The following MBD5 variants were observed in gnomAD, a reference collection of about 807,000 sequenced individuals.
MBD5 encodes the protein methyl-CpG binding domain protein 5, also known as methyl-CpG-binding domain protein 5.
In MBD5, 13 loss-of-function variants were observed where a neutral mutation model predicts 117.3. The ratio of observed to expected loss-of-function variants is 0.11; its 90% CI spans 0.07 to 0.18. The LOEUF is 0.18. Ranked by LOEUF, MBD5 falls within the 10% of genes least tolerant of loss-of-function variation. The pLI, the probability that MBD5 is intolerant of heterozygous loss-of-function variation, is 1.00. For synonymous variants in MBD5, 727 were observed against 766.4 expected, an observed-to-expected ratio of 0.95 and a Z score of 0.85; for missense variants, 1,879 against 2,093.8, an observed-to-expected ratio of 0.90 and a Z score of 2.00.
chr2:148,164,803 T>C (rs1381115074), intron 1 of MBD5, among the ~76,000 whole-genome samples: 2 of 152,170 alleles, frequency 1.3e-5, no homozygotes, highest in East Asian at 3.9e-4. Context: ...GAAAAGATAA[T>C]TATTTCTTAC....
intron 4 of MBD5, among the ~76,000 whole-genome samples, chr2:148,394,545 G>GTTTTTTTTTTTT: frequency 8.2e-6 from 1 of 121,854 alleles, no homozygotes; most frequent in Non-Finnish European, 1.7e-5. Flanking sequence ...CTGTACTTTG[G>GTTTTTTTTTTTT]TTTTTTTTTT....
At chr2:148,067,237 A>C (rs927432702) in intron 1 of MBD5, among the ~76,000 whole-genome samples, 45 of 152,234 alleles carry the variant, frequency 3.0e-4, no homozygotes, top group Non-Finnish European at 4.4e-5. Flanking sequence ...ACGCTATATT[A>C]GACATTGAAA....
At chr2:148,470,547 A>G in intron 8 of MBD5, 86 bp downstream of exon 8, 1 of 1,053,530 alleles carries the variant, frequency 9.5e-7, no homozygotes, top group East Asian at 2.6e-5. Flanking sequence ...TTATTATGAT[A>G]AGAAATGATC....
chr2:148,240,578 C>T (rs1045520671), intron 3 of MBD5, among the ~76,000 whole-genome samples: 1 of 152,162 alleles, frequency 6.6e-6, no homozygotes, highest in African/African-American at 2.4e-5. Flanking sequence ...ATTAATTCAA[C>T]TGCTTATTCT....
chr2:148,453,745 G>T (rs1706798787), intron 4 of MBD5, among the ~76,000 whole-genome samples: 1 of 151,808 alleles, frequency 6.6e-6, no homozygotes, highest in Admixed American at 6.6e-5. Flanking sequence ...AATTATAAAA[G>T]TAAACCTGAC....
At chr2:148,427,702 A>G (rs1007344453) in intron 4 of MBD5, among the ~76,000 whole-genome samples, 2 of 152,168 alleles carry the variant, frequency 1.3e-5, no homozygotes, top group Non-Finnish European at 2.9e-5. Context: ...TGAAGAGTTA[A>G]TGGGTGCAGC....
At chr2:148,139,701 C>G (rs1421154946) in intron 1 of MBD5, among the ~76,000 whole-genome samples, 1 of 152,046 alleles carries the variant, frequency 6.6e-6, no homozygotes, top group African/African-American at 2.4e-5. Context: ...ACCTTTCTTC[C>G]CAGGATGACT....
intron 3 of MBD5, among the ~76,000 whole-genome samples, chr2:148,242,999 C>T (rs1347923253): frequency 6.6e-6 from 1 of 152,174 alleles, no homozygotes; most frequent in Non-Finnish European, 1.5e-5. Context: ...CATTAACTCT[C>T]TCTGTAAGCA....
At chr2:148,047,442 C>A (rs1403314950) in intron 1 of MBD5, among the ~76,000 whole-genome samples, 4 of 152,130 alleles carry the variant, frequency 2.6e-5, no homozygotes, top group Admixed American at 6.6e-5. Flanking sequence ...AATGGCAATT[C>A]TAGATGTTTT....
chr2:148,458,999 G>C (rs1294693273), intron 5 of MBD5, 128 bp downstream of exon 5: 93 of 782,834 alleles, frequency 1.2e-4, no homozygotes, highest in Non-Finnish European at 2.9e-5. Flanking sequence ...AGAAACATAT[G>C]AGAATTTTTA....
At position 148,387,995 on chromosome 2, in the gene MBD5, G is replaced by A. The variant is rs186003677; in HGVS notation, c.-557+45659G>A. 2.1e-3 allele frequency among the ~76,000 whole-genome samples: 327 copies of A among 152,210 alleles called. 1 individual carries two copies. The highest frequency in any genetic ancestry group is 7.3e-3 in the African/African-American group (303 of 41,548). On this transcript the variant is annotated intron_variant, in intron 4 of 13. Coordinates refer to ENST00000642680, the MANE Select transcript of MBD5 (RefSeq NM_001378120.1). The stretch of plus-strand genomic sequence containing the variant: ...TTTTTGGGGAATCTAAACTTCATAT[G>A]AAAAAGCAAAGAGCATGGAATAGCC...
chr2:148,070,229 C>T (rs1157874540), intron 1 of MBD5, among the ~76,000 whole-genome samples: 1 of 152,168 alleles, frequency 6.6e-6, no homozygotes, highest in East Asian at 1.9e-4. Flanking sequence ...TGGCTTACTT[C>T]ACTTAACATA....
chr2:148,304,995 G>C (rs1701858102), intron 3 of MBD5, among the ~76,000 whole-genome samples: 1 of 151,498 alleles, frequency 6.6e-6, no homozygotes. Context: ...AACCCGGGAG[G>C]CGGAGCTTGC....
At chr2:148,200,828 T>A (rs114640373) in intron 2 of MBD5, among the ~76,000 whole-genome samples, 5,659 of 152,270 alleles carry the variant, frequency 0.037, 282 homozygotes, top group African/African-American at 0.11. Context: ...CTAAAGAAGT[T>A]CTTCTGATCT....
At chr2:148,079,857 AAACAACAACAACAACAACAACAACAAC>A (rs201427792) in intron 1 of MBD5, among the ~76,000 whole-genome samples, 13 of 123,476 alleles carry the variant, frequency 1.1e-4, no homozygotes, top group Non-Finnish European at 2.0e-4. Flanking sequence ...ACTCTGTCTA[AAACAACAACAACAACAACAACAACAAC>A]AACAACAACA....
intron 4 of MBD5, among the ~76,000 whole-genome samples, chr2:148,456,788 G>A (rs368693147): frequency 3.0e-4 from 46 of 152,118 alleles, no homozygotes; most frequent in African/African-American, 9.2e-4. Flanking sequence ...TGTTTGCCAC[G>A]TCCATACCCA....
intron 1 of MBD5, chr2:148,028,200 A>G (rs1230316424): frequency 6.6e-6 from 1 of 152,186 alleles, no homozygotes; most frequent in South Asian, 2.1e-4. Context: ...GTCATTGAGT[A>G]GATTATTAGA....
intron 3 of MBD5, among the ~76,000 whole-genome samples, chr2:148,258,984 T>G (rs1700666560): frequency 6.6e-6 from 1 of 152,118 alleles, no homozygotes; most frequent in Admixed American, 6.5e-5. Flanking sequence ...TCAAAGGCAC[T>G]CAGGGGTGCA....
rs372049573 is a variant in MBD5, at chr2:148,502,515, C to T, written c.5036+6C>T. 5 of 1,613,438 alleles carry T rather than the reference C, an allele frequency of 3.1e-6. No individual in the cohort carries two copies. Among genetic ancestry groups the T allele is most frequent in the Non-Finnish European group, 4.2e-6 (5 of 1,179,540 alleles). On this transcript the variant is annotated splice_donor_region_variant and intron_variant, in intron 12 of 13. Coordinates refer to ENST00000642680, the MANE Select transcript of MBD5 (RefSeq NM_001378120.1). ...GTCCGGAAAAGGAACAGAAAGTAAG[C>T]ACTTTTCCAAAATTTTACTTTGTTT...
Sources: gnomAD v4.1 joint callset for allele counts (sites outside exome capture counted in the v4.1 genomes callset) on GRCh38, gnomAD v4.1.1 for gene constraint, MANE v1.5 for transcripts, NCBI Gene and HGNC (gene_info 2026-07-23, HGNC 2026-07-21) for gene names.